Variants in ANO2 observed in about 807,000 individuals in gnomAD.
The protein encoded by ANO2 is anoctamin-2.
Under a neutral mutation model 124.2 loss-of-function variants are expected in ANO2, and 101 were observed. The ratio of observed to expected loss-of-function variants is 0.81; its 90% CI spans 0.69 to 0.96. The LOEUF is 0.96. Ranked by LOEUF, ANO2 falls within the 40% of genes least tolerant of loss-of-function variation. ANO2 has a pLI of 0.00. For synonymous variants in ANO2, 486 were observed against 482.5 expected, an observed-to-expected ratio of 1.01 and a Z score of -0.09; for missense variants, 1,293 against 1,274.5, an observed-to-expected ratio of 1.01 and a Z score of -0.22.
In ANO2 at chr12:5,853,970, G is replaced by C; in HGVS notation, c.633+73C>G. ...ATTCCACAAAACCCACATCCCACCT[G>C]GCCCTATTCCCAAATTATTTGCATC... On this transcript the variant is annotated intron_variant, in intron 4 of 24. Transcript: ENST00000682330. The C allele has an allele frequency of 2.5e-6, 3 of 1,195,406 alleles. No homozygotes were observed. In the South Asian group the frequency reaches 3.9e-5, roughly 16 times the overall value. The allele number at this position is 1,195,406 out of a possible 1,614,324, so 74.0% of individuals were successfully genotyped here. A position where few individuals can be genotyped will look rare whatever the true frequency, so the allele number is the denominator to read the frequency against.
At chr12:5,890,045 A>T (rs1187941890) in intron 3 of ANO2, among the ~76,000 whole-genome samples, 6 of 144,304 alleles carry the variant, frequency 4.2e-5, no homozygotes, top group South Asian at 4.5e-4. Context: ...TTAAAATTCC[A>T]TTTTTTTTTT....
chr12:5,828,008 A>G (rs1954033633), intron 6 of ANO2, among the ~76,000 whole-genome samples, 188 bp from the exon 7 acceptor site: 1 of 152,194 alleles, frequency 6.6e-6, no homozygotes, highest in South Asian at 2.1e-4. Flanking sequence ...CTTTGAGGAA[A>G]CAAGGGATGT....
At chr12:5,578,792 C>A (rs999348589) in intron 20 of ANO2, among the ~76,000 whole-genome samples, 1 of 152,222 alleles carries the variant, frequency 6.6e-6, no homozygotes, top group African/African-American at 2.4e-5. Flanking sequence ...TTCCTTTACC[C>A]TTTACTGCCA....
At chr12:5,711,991 T>C (rs927605147) in intron 14 of ANO2, among the ~76,000 whole-genome samples, 9 of 152,222 alleles carry the variant, frequency 5.9e-5, no homozygotes, top group Admixed American at 3.9e-4. Context: ...GATAAGGACC[T>C]ACTAACGGCC....
chr12:5,733,174 G>A (rs1950715395), intron 13 of ANO2: 3 of 499,458 alleles, frequency 6.0e-6, no homozygotes, highest in Non-Finnish European at 1.1e-5. Flanking sequence ...TGGCCATAGG[G>A]AATCTTAAAA....
intron 3 of ANO2, among the ~76,000 whole-genome samples, chr12:5,869,008 G>A (rs143803766): frequency 9.8e-5 from 15 of 152,302 alleles, no homozygotes; most frequent in Non-Finnish European, 1.3e-4. Flanking sequence ...ACCCTGGAGG[G>A]GAAGGGGAAG....
chr12:5,736,817 C>T (rs893030044), intron 13 of ANO2, among the ~76,000 whole-genome samples: 5 of 152,128 alleles, frequency 3.3e-5, no homozygotes, highest in African/African-American at 7.2e-5. Flanking sequence ...GTTGTTGCCT[C>T]GCTTTCCCAG....
At chr12:5,887,820 GC>G (rs1939044941) in intron 3 of ANO2, among the ~76,000 whole-genome samples, 1 of 151,176 alleles carries the variant, frequency 6.6e-6, no homozygotes. Flanking sequence ...ATACTAACAT[GC>G]CCCCCGGTTT....
At chr12:5,650,926 A>G (rs1156552051) in intron 14 of ANO2, among the ~76,000 whole-genome samples, 1 of 152,238 alleles carries the variant, frequency 6.6e-6, no homozygotes, top group East Asian at 1.9e-4. Context: ...AGGTCAAGAG[A>G]GTGCAGGCAC....
At chr12:5,609,385 G>A (rs754384160) in intron 19 of ANO2, among the ~76,000 whole-genome samples, 1 of 152,110 alleles carries the variant, frequency 6.6e-6, no homozygotes, top group South Asian at 2.1e-4. Flanking sequence ...GCCCTCTGAG[G>A]TTGTCCCAGT....
chr12:5,910,483 T>C (rs1160805344), intron 3 of ANO2, among the ~76,000 whole-genome samples: 1 of 152,214 alleles, frequency 6.6e-6, no homozygotes, highest in African/African-American at 2.4e-5. Context: ...CTGGCCTCTA[T>C]GTGTTACTTC....
At chr12:5,619,403 G>A (rs1019694840) in intron 16 of ANO2, among the ~76,000 whole-genome samples, 9 of 152,202 alleles carry the variant, frequency 5.9e-5, no homozygotes, top group South Asian at 4.1e-4. Context: ...GAAGAATAAC[G>A]CTGGAGGACA....
intron 14 of ANO2, among the ~76,000 whole-genome samples, chr12:5,723,963 C>G (rs1013164299): frequency 6.6e-6 from 1 of 152,076 alleles, no homozygotes; most frequent in Non-Finnish European, 1.5e-5. Flanking sequence ...GCTTGACTCC[C>G]CAACCGCCCT....
intron 3 of ANO2, among the ~76,000 whole-genome samples, chr12:5,868,734 C>A (rs1955497341): frequency 6.6e-6 from 1 of 152,210 alleles, no homozygotes; most frequent in Non-Finnish European, 1.5e-5. Flanking sequence ...TGCTTTTCCA[C>A]AGCCATGACC....
chr12:5,565,515 C>T (rs1186650674), intron 24 of ANO2, 43 bp downstream of exon 24: 3 of 1,502,666 alleles, frequency 2.0e-6, no homozygotes, highest in Non-Finnish European at 2.7e-6. Context: ...CTTACTCCTG[C>T]AGCCCGGATT....
At chr12:5,786,014 G>C (rs1952529655) in intron 10 of ANO2, among the ~76,000 whole-genome samples, 1 of 151,580 alleles carries the variant, frequency 6.6e-6, no homozygotes, top group Non-Finnish European at 1.5e-5. Flanking sequence ...AACAGAGATG[G>C]GGGTGTTCAG....
chr12:5,579,806 G>A (rs1053574454), intron 20 of ANO2, among the ~76,000 whole-genome samples: 3 of 152,012 alleles, frequency 2.0e-5, no homozygotes, highest in South Asian at 2.1e-4. Context: ...CCTCCTAATT[G>A]TCCCCTGCCA....
Position 5,615,312 on chromosome 12 carries a change from C to T in ANO2, c.1817-15G>A, listed in dbSNP as rs758599543. On this transcript the variant is annotated splice_polypyrimidine_tract_variant and intron_variant, in intron 16 of 24. Coordinates refer to ENST00000682330, the MANE Select transcript of ANO2 (RefSeq NM_001364791.2). ...TTTCGGAACCTCTGTAAGAGAAGAG[C>T]GAGGCTGATGAGATTGGGGTGAGAT... The T allele has an allele frequency of 7.3e-5, 116 of 1,597,308 alleles. 1 individual carries two copies. The highest frequency in any genetic ancestry group is 2.7e-5 in the Non-Finnish European group (32 of 1,168,566).
chr12:5,717,555 G>GT (rs1047849897), intron 14 of ANO2, among the ~76,000 whole-genome samples: 2 of 152,168 alleles, frequency 1.3e-5, no homozygotes, highest in Admixed American at 6.5e-5. Context: ...AGATACGTAA[G>GT]TAACTTAACA....
Sources: allele counts gnomAD v4.1 joint callset (sites outside exome capture counted in the v4.1 genomes callset), GRCh38; gene constraint gnomAD v4.1.1; transcripts MANE v1.5; gene names NCBI Gene and HGNC (gene_info 2026-07-23, HGNC 2026-07-21).